Variants in CFAP70 observed in about 807,000 individuals in gnomAD.
CFAP70 encodes the protein cilia- and flagella-associated protein 70.
CFAP70 carries 81 observed loss-of-function variants against 137.6 expected under a neutral mutation model. That is an observed-to-expected ratio of 0.59 (90% confidence interval 0.49 to 0.71). CFAP70 has a LOEUF of 0.71. Among genes scored for constraint, CFAP70 ranks in the 30% least tolerant of loss-of-function variants. The probability of loss-of-function intolerance (pLI) is 0.00; values close to 1 mark genes in which losing one functional copy is unlikely to be tolerated. For synonymous variants in CFAP70, 382 were observed against 423.6 expected (o/e 0.90, Z 1.20); for missense variants, 976 against 1,226.7 (o/e 0.80, Z 3.05).
chr10:73,279,591 A>T (rs2047106271), intron 19 of CFAP70, among the ~76,000 whole-genome samples: 1 of 151,066 alleles, frequency 6.6e-6, no homozygotes, highest in Admixed American at 6.6e-5. Flanking sequence ...GGGCGAGGTG[A>T]CTCACGCCTG....
intron 4 of CFAP70, among the ~76,000 whole-genome samples, chr10:73,347,633 C>T (rs1483576362): frequency 1.3e-5 from 2 of 152,028 alleles, no homozygotes; most frequent in East Asian, 1.9e-4. Context: ...AGGGAAGATA[C>T]TGAGTTCAGT....
chr10:73,316,586 A>C (rs1225977482), intron 9 of CFAP70, among the ~76,000 whole-genome samples: 1 of 150,068 alleles, frequency 6.7e-6, no homozygotes, highest in Non-Finnish European at 1.5e-5. Flanking sequence ...ATGTGTATGT[A>C]TACACGCACA....
chr10:73,326,250 A>G (rs1353233187), intron 8 of CFAP70, among the ~76,000 whole-genome samples: 13,288 of 147,538 alleles, frequency 0.09, 920 homozygotes, highest in East Asian at 0.27. Flanking sequence ...GGTACGTAAC[A>G]AAATGAAGGC....
rs80082546 is a variant in CFAP70 at position 73,267,178 on chromosome 10, T to C, written c.3027+2436A>G. Among the ~76,000 whole-genome samples, 1,358 of 152,268 alleles carry C rather than the reference T, an allele frequency of 8.9e-3. 34 individuals are homozygous for C. Among genetic ancestry groups the C allele is most frequent in the African/African-American group, 0.031 (1,270 of 41,540 alleles). On this transcript the variant is annotated intron_variant, in intron 25 of 26. Transcript: ENST00000310715. ...TTATTTCTCAAAATTCTACAGGTAA[T>C]TTGGGCTGTTTTGCTGGTTTTCCCT... is the stretch of plus-strand genomic sequence containing the variant.
chr10:73,289,884 A>C (rs986961750), intron 19 of CFAP70, among the ~76,000 whole-genome samples: 20 of 151,984 alleles, frequency 1.3e-4, no homozygotes, highest in Non-Finnish European at 2.8e-4. Flanking sequence ...CATCTCTACT[A>C]AAAATACAAA....
chr10:73,344,024 G>A (rs11000616), intron 5 of CFAP70, among the ~76,000 whole-genome samples: 16,028 of 151,094 alleles, frequency 0.11, 1,224 homozygotes, highest in East Asian at 0.3. Flanking sequence ...CAATCTTGGC[G>A]CAATCTTGGC....
rs557585280 is a variant in CFAP70, at chr10:73,346,658, T to A, written c.350-1544A>T. Among the ~76,000 whole-genome samples the A allele has an allele frequency of 2.7e-4, 40 of 150,740 alleles. 1 individual carries two copies. The South Asian group carries it at 7.3e-3, about 28-fold the overall frequency. On this transcript the variant is annotated intron_variant, in intron 4 of 26. Coordinates refer to ENST00000310715, the Ensembl canonical transcript of CFAP70. ...AACTCCATCTCAAAAAAAAAAAGAATGTGTATTGAATGCTAGGCACTTTGC... is the reference window on the plus strand; with the variant it reads ...AACTCCATCTCAAAAAAAAAAAGAAAGTGTATTGAATGCTAGGCACTTTGC...
intron 4 of CFAP70, 97 bp downstream of exon 5, chr10:73,348,059 C>T: frequency 9.5e-7 from 1 of 1,053,308 alleles, no homozygotes; most frequent in Non-Finnish European, 1.5e-6. Context: ...AAGAAAATGC[C>T]CAATGCATTA....
At chr10:73,359,403 C>T (rs970208463), upstream of CFAP70, among the ~76,000 whole-genome samples, 1 of 152,148 alleles carries the variant, frequency 6.6e-6, no homozygotes, top group Non-Finnish European at 1.5e-5. Context: ...CAGCCATACA[C>T]ACAACACGGA....
intron 5 of CFAP70, 74 bp downstream of exon 6, chr10:73,344,991 G>A (rs1214480419): frequency 3.3e-6 from 4 of 1,228,960 alleles, no homozygotes; most frequent in Non-Finnish European, 4.7e-6. Flanking sequence ...TGAAATCTTA[G>A]AGGTGAGGAA....
chr10:73,282,819 CTGTTA>C (rs905392996), intron 19 of CFAP70, among the ~76,000 whole-genome samples: 5 of 147,022 alleles, frequency 3.4e-5, no homozygotes, highest in Non-Finnish European at 6.0e-5. Flanking sequence ...AGAAATTTTC[CTGTTA>C]TCTTTTTTTT....
At chr10:73,355,770 C>T (rs184839290) in intron 1 of CFAP70, among the ~76,000 whole-genome samples, 4 of 152,172 alleles carry the variant, frequency 2.6e-5, no homozygotes, top group Admixed American at 6.5e-5. Context: ...AGAGTGACTC[C>T]GTCTCAAAAC....
Position 73,353,757 on chromosome 10 carries a change from A to C in CFAP70, c.64-15T>G. On this transcript the variant is annotated splice_polypyrimidine_tract_variant and intron_variant, in intron 2 of 26. Transcript: ENST00000310715. ...TTAAAACCTTTCTGTTGGCAGAAACACACCACTTTACAATTATATTCAAAT... is the reference window on the plus strand; with the variant it reads ...TTAAAACCTTTCTGTTGGCAGAAACCCACCACTTTACAATTATATTCAAAT... The C allele has an allele frequency of 6.2e-7, 1 of 1,610,176 alleles. No individual in the cohort carries two copies. The highest frequency in any genetic ancestry group is 8.5e-7 in the Non-Finnish European group (1 of 1,178,086).
intron 23 of CFAP70, among the ~76,000 whole-genome samples, chr10:73,274,086 TG>T (rs1168935904): frequency 6.6e-6 from 1 of 152,234 alleles, no homozygotes; most frequent in Non-Finnish European, 1.5e-5. Context: ...GGAGAAAGTT[TG>T]GAGAGAAGTC....
intron 9 of CFAP70, among the ~76,000 whole-genome samples, chr10:73,320,891 T>C (rs2050792115): frequency 6.6e-6 from 1 of 152,056 alleles, no homozygotes; most frequent in South Asian, 2.1e-4. Context: ...GGTCTCAAGC[T>C]CTTGACCTCA....
At chr10:73,304,762 T>C (rs976144713) in intron 12 of CFAP70, among the ~76,000 whole-genome samples, 4 of 151,930 alleles carry the variant, frequency 2.6e-5, no homozygotes, top group African/African-American at 9.7e-5. Context: ...TTGAGTATAA[T>C]GCTCCTCACA....
intron 8 of CFAP70, among the ~76,000 whole-genome samples, chr10:73,323,941 C>T (rs1023706575): frequency 1.3e-5 from 2 of 152,260 alleles, no homozygotes; most frequent in African/African-American, 2.4e-5. Flanking sequence ...GTAACCTCTG[C>T]AGACTTAAAT....
intron 12 of CFAP70, among the ~76,000 whole-genome samples, chr10:73,308,920 C>T (rs1174810776): frequency 6.6e-6 from 1 of 151,012 alleles, no homozygotes; most frequent in Admixed American, 6.6e-5. Flanking sequence ...TACACATACA[C>T]TAAAGAAGAA....
intron 7 of CFAP70, among the ~76,000 whole-genome samples, chr10:73,334,438 CA>C (rs2052428204): frequency 1.3e-5 from 2 of 152,138 alleles, no homozygotes; most frequent in African/African-American, 4.8e-5. Context: ...TGTGAGCGTG[CA>C]AGCTGGAGCT....
Sources: allele counts gnomAD v4.1 joint callset (sites outside exome capture counted in the v4.1 genomes callset), GRCh38; gene constraint gnomAD v4.1.1; transcripts MANE v1.5; gene names NCBI Gene and HGNC (gene_info 2026-07-23, HGNC 2026-07-21).